Variants in WDR7 observed in about 807,000 individuals in gnomAD.
WDR7 encodes the protein WD repeat-containing protein 7.
A neutral mutation model predicts 169.4 loss-of-function variants in WDR7; 46 were observed. The ratio of observed to expected loss-of-function variants is 0.27; its 90% CI spans 0.21 to 0.35. WDR7 has a LOEUF of 0.35. Among genes scored for constraint, WDR7 ranks in the 10% least tolerant of loss-of-function variants. WDR7 has a pLI of 1.00. For missense variants in WDR7, 1,534 were observed against 1,859.3 expected, an observed-to-expected ratio of 0.83 and a Z score of 3.22; for synonymous variants, 612 against 666.8, an observed-to-expected ratio of 0.92 and a Z score of 1.27.
intron 25 of WDR7, among the ~76,000 whole-genome samples, chr18:56,940,302 C>T (rs140473504): frequency 9.2e-5 from 14 of 152,248 alleles, no homozygotes; most frequent in Non-Finnish European, 1.6e-4. Flanking sequence ...AATGGCATTA[C>T]CTGCTATGCA....
chr18:56,659,076 T>C (rs2144430624), intron 1 of WDR7, among the ~76,000 whole-genome samples: 1 of 152,276 alleles, frequency 6.6e-6, no homozygotes, highest in African/African-American at 2.4e-5. Flanking sequence ...GTGACTGTAG[T>C]AGTGATTATG....
chr18:56,718,716 A>G (rs974780956), intron 13 of WDR7, among the ~76,000 whole-genome samples: 2 of 152,244 alleles, frequency 1.3e-5, no homozygotes, highest in African/African-American at 4.8e-5. Flanking sequence ...GTTTTCCCTC[A>G]GAAATTTGTA....
intron 20 of WDR7, among the ~76,000 whole-genome samples, chr18:56,854,104 C>A (rs938009374): frequency 2.0e-5 from 3 of 152,144 alleles, no homozygotes; most frequent in African/African-American, 7.2e-5. Context: ...GGCACAGAAG[C>A]CTTCTTTGAC....
At chr18:56,810,921 C>T (rs965849272) in intron 19 of WDR7, among the ~76,000 whole-genome samples, 7 of 152,096 alleles carry the variant, frequency 4.6e-5, no homozygotes, top group African/African-American at 1.4e-4. Flanking sequence ...AAACCTCAGC[C>T]CCCATTAGCA....
intron 20 of WDR7, among the ~76,000 whole-genome samples, chr18:56,844,838 C>T (rs2045544091): frequency 6.6e-6 from 1 of 152,130 alleles, no homozygotes; most frequent in Non-Finnish European, 1.5e-5. Flanking sequence ...TATAGTAGTT[C>T]CTCCTTATCT....
intron 2 of WDR7, among the ~76,000 whole-genome samples, chr18:56,676,269 G>A (rs894659144): frequency 2.6e-5 from 4 of 152,042 alleles, no homozygotes; most frequent in African/African-American, 9.7e-5. Context: ...TTTTATAGGT[G>A]AAGTGTGTTT....
chr18:56,694,835 A>G, intron 10 of WDR7, 75 bp downstream of exon 10: 1 of 1,536,584 alleles, frequency 6.5e-7, no homozygotes, highest in South Asian at 1.3e-5. Context: ...TAACATTCAT[A>G]ATGTACATAT....
At chr18:56,886,595 C>G (rs1412365310) in intron 21 of WDR7, among the ~76,000 whole-genome samples, 2 of 152,110 alleles carry the variant, frequency 1.3e-5, no homozygotes, top group Admixed American at 1.3e-4. Context: ...CAACAAATAG[C>G]ACAATGAATA....
intron 20 of WDR7, among the ~76,000 whole-genome samples, chr18:56,866,795 T>G (rs2045888546): frequency 6.6e-6 from 1 of 152,090 alleles, no homozygotes; most frequent in Non-Finnish European, 1.5e-5. Flanking sequence ...GTTCCTTTTT[T>G]TGTCCTGCCA....
In WDR7 at chr18:57,023,750, G is replaced by T. The variant is rs2048321822; in HGVS notation, c.4269+2901G>T. On this transcript the variant is annotated intron_variant, in intron 27 of 27. Coordinates refer to ENST00000254442, the MANE Select transcript of WDR7 (RefSeq NM_015285.3). ...TCCATTGGCATTTGAGCAAGAGGAG[G>T]AGTTTAGTAATGAAATACAGTCACA... Among the ~76,000 whole-genome samples the T allele has an allele frequency of 2.0e-5, 3 of 152,150 alleles. No individual in the cohort carries two copies. In the South Asian group the frequency reaches 6.2e-4, roughly 32 times the overall value.
At chr18:56,908,478 AT>A (rs2046509548) in intron 21 of WDR7, among the ~76,000 whole-genome samples, 1 of 152,214 alleles carries the variant, frequency 6.6e-6, no homozygotes, top group Admixed American at 6.5e-5. Context: ...AATATTAAAC[AT>A]AAAACTCCTT....
chr18:56,662,901 T>C (rs1376131017), intron 1 of WDR7, among the ~76,000 whole-genome samples: 2 of 152,228 alleles, frequency 1.3e-5, no homozygotes, highest in Non-Finnish European at 2.9e-5. Flanking sequence ...ACATAACAGC[T>C]TTTTTAGCCT....
At chr18:56,878,105 G>A (rs1450172306) in intron 20 of WDR7, among the ~76,000 whole-genome samples, 2 of 152,182 alleles carry the variant, frequency 1.3e-5, no homozygotes, top group Non-Finnish European at 2.9e-5. Flanking sequence ...AAAGAATGTA[G>A]CAAGAGTGAG....
chr18:56,800,413 G>C (rs1362868), intron 19 of WDR7, among the ~76,000 whole-genome samples: 3,114 of 152,146 alleles, frequency 0.02, 91 homozygotes, highest in East Asian at 0.13. Context: ...TTTCATGCAT[G>C]TGCTTACTTA....
At chr18:56,829,167 T>C (rs1248897165) in intron 20 of WDR7, among the ~76,000 whole-genome samples, 1 of 150,846 alleles carries the variant, frequency 6.6e-6, no homozygotes, top group Non-Finnish European at 1.5e-5. Context: ...TGTGCACCTG[T>C]AGTCTCAGCT....
At chr18:56,682,515 A>G (rs536571688) in intron 4 of WDR7, among the ~76,000 whole-genome samples, 164 bp from the exon 5 acceptor site, 114 of 152,358 alleles carry the variant, frequency 7.5e-4, no homozygotes, top group African/African-American at 2.6e-3. Flanking sequence ...GTGTGTGCAC[A>G]TACACCCATA....
At chr18:56,936,095 ATTAC>A (rs953146080) in intron 23 of WDR7, 190 bp downstream of exon 23, 3 of 513,034 alleles carry the variant, frequency 5.8e-6, no homozygotes, top group Admixed American at 7.4e-5. Context: ...TGGTGCATTC[ATTAC>A]TTCTGCTTCT....
intron 21 of WDR7, among the ~76,000 whole-genome samples, chr18:56,888,772 C>T (rs2046229245): frequency 6.6e-6 from 1 of 152,152 alleles, no homozygotes; most frequent in Admixed American, 6.5e-5. Context: ...AGCTTTTTGA[C>T]TTTGGGCAAG....
chr18:56,999,654 ATATAT>A (rs1433678081), intron 26 of WDR7, among the ~76,000 whole-genome samples: 5 of 152,280 alleles, frequency 3.3e-5, no homozygotes, highest in Non-Finnish European at 7.4e-5. Flanking sequence ...AAAGGTAGAG[ATATAT>A]TATAGTAGAG....
Sources: allele counts gnomAD v4.1 joint callset (sites outside exome capture counted in the v4.1 genomes callset), GRCh38; gene constraint gnomAD v4.1.1; transcripts MANE v1.5; gene names NCBI Gene and HGNC (gene_info 2026-07-23, HGNC 2026-07-21).